The following ARHGAP26 variants were observed in gnomAD, a reference collection of about 807,000 sequenced individuals.
ARHGAP26 encodes rho GTPase-activating protein 26.
In ARHGAP26, 38 loss-of-function variants were observed where a neutral mutation model predicts 104.8. That is an observed-to-expected ratio of 0.36 (90% CI 0.28 to 0.48). ARHGAP26 has a LOEUF of 0.48. Ranked by LOEUF, ARHGAP26 falls within the 20% of genes least tolerant of loss-of-function variation. The pLI, the probability that ARHGAP26 is intolerant of heterozygous loss-of-function variation, is 0.99. For synonymous variants in ARHGAP26, 341 were observed against 340.0 expected, an observed-to-expected ratio of 1.00 and a Z score of -0.03; for missense variants, 704 against 947.9, an observed-to-expected ratio of 0.74 and a Z score of 3.38.
At chr5:143,204,861 A>G (rs1345217796) in intron 20 of ARHGAP26, among the ~76,000 whole-genome samples, 6 of 152,016 alleles carry the variant, frequency 3.9e-5, no homozygotes, top group Non-Finnish European at 8.8e-5. Context: ...ACCACTGACC[A>G]AAAGAACAGA....
chr5:142,947,342 C>T (rs761253485), intron 11 of ARHGAP26, among the ~76,000 whole-genome samples: 1 of 152,110 alleles, frequency 6.6e-6, no homozygotes, highest in African/African-American at 2.4e-5. Flanking sequence ...GTGCTGCTGC[C>T]TAGCATTGAA....
At chr5:143,174,590 C>T (rs1467693253) in intron 20 of ARHGAP26, among the ~76,000 whole-genome samples, 2 of 152,114 alleles carry the variant, frequency 1.3e-5, no homozygotes, top group African/African-American at 2.4e-5. Context: ...AATAGCCATT[C>T]CAAGCAATAG....
At chr5:143,194,711 A>T (rs764846481) in intron 20 of ARHGAP26, among the ~76,000 whole-genome samples, 1 of 152,216 alleles carries the variant, frequency 6.6e-6, no homozygotes, top group Non-Finnish European at 1.5e-5. Context: ...ATTTGTTTTT[A>T]TTCACAGATG....
intron 1 of ARHGAP26, chr5:142,771,157 G>GGGT: frequency 7.7e-7 from 1 of 1,292,602 alleles, no homozygotes; most frequent in Non-Finnish European, 9.8e-7. Flanking sequence ...GACCCAGCGC[G>GGGT]GGTGGTGCTC....
intron 19 of ARHGAP26, among the ~76,000 whole-genome samples, chr5:143,139,284 T>C (rs1276574906): frequency 6.6e-6 from 1 of 152,212 alleles, no homozygotes; most frequent in East Asian, 1.9e-4. Flanking sequence ...CAATTGATGA[T>C]AATCCTGTGA....
rs796147656 is a variant in ARHGAP26 at position 142,871,293 on chromosome 5, C to T, written c.155-2107C>T. Reference sequence around the variant, plus strand: ...CTGTGCAGAAGCCTCACAAAGGCCCCGTTGTGCATGACCAGCCACTCCCTG... The same window carrying T: ...CTGTGCAGAAGCCTCACAAAGGCCCTGTTGTGCATGACCAGCCACTCCCTG... On this transcript the variant is annotated intron_variant, in intron 1 of 22. Coordinates refer to ENST00000645722, the MANE Select transcript of ARHGAP26 (RefSeq NM_001135608.3). The surrounding 1 kb of genome is among the most constrained non-coding windows in gnomAD (Gnocchi z 4.1). Among the ~76,000 whole-genome samples, 17 of 152,288 alleles carry T rather than the reference C, an allele frequency of 1.1e-4. No homozygotes were observed. The highest frequency in any genetic ancestry group is 3.6e-4 in the African/African-American group (15 of 41,550).
intron 10 of ARHGAP26, among the ~76,000 whole-genome samples, chr5:142,922,448 T>C (rs775398505): frequency 6.6e-5 from 10 of 152,044 alleles, no homozygotes; most frequent in Non-Finnish European, 1.3e-4. Context: ...GTGTGTTTTC[T>C]GTAGAAAAAA....
intron 17 of ARHGAP26, among the ~76,000 whole-genome samples, chr5:143,114,228 C>T (rs7730451): frequency 0.029 from 4,490 of 152,250 alleles, 239 homozygotes; most frequent in African/African-American, 0.1. Context: ...GTACACAGAA[C>T]GATGTATCTG....
chr5:143,051,488 A>G (rs1211273450), intron 14 of ARHGAP26, among the ~76,000 whole-genome samples: 1 of 152,242 alleles, frequency 6.6e-6, no homozygotes, highest in African/African-American at 2.4e-5. Context: ...GTTCTAAAGA[A>G]GAGTGTAAAT....
At chr5:142,870,340 T>C (rs17099633) in intron 1 of ARHGAP26, among the ~76,000 whole-genome samples, 5,509 of 152,306 alleles carry the variant, frequency 0.036, 167 homozygotes, top group Admixed American at 0.083. Flanking sequence ...CTTACTGGAT[T>C]GAAATTGGCA....
At chr5:142,827,777 A>G (rs1767581163) in intron 1 of ARHGAP26, among the ~76,000 whole-genome samples, 1 of 152,238 alleles carries the variant, frequency 6.6e-6, no homozygotes, top group Non-Finnish European at 1.5e-5. Flanking sequence ...CCTACCTGTC[A>G]GGATTGTTGG....
intron 20 of ARHGAP26, chr5:143,170,459 G>A (rs997936429): frequency 4.6e-5 from 7 of 152,250 alleles, no homozygotes; most frequent in Middle Eastern, 6.8e-3. Context: ...CACATTGAGC[G>A]GCTGGAAAAT....
At chr5:142,905,341 C>T (rs1056105279) in intron 8 of ARHGAP26, among the ~76,000 whole-genome samples, 1 of 152,134 alleles carries the variant, frequency 6.6e-6, no homozygotes, top group African/African-American at 2.4e-5. Flanking sequence ...ATCATGAGGA[C>T]ACTTTTTTGT....
At chr5:142,940,033 T>C (rs971352075) in intron 11 of ARHGAP26, among the ~76,000 whole-genome samples, 1 of 152,244 alleles carries the variant, frequency 6.6e-6, no homozygotes, top group Non-Finnish European at 1.5e-5. Context: ...GTATGGAAAA[T>C]GTGATTTCGT....
intron 20 of ARHGAP26, among the ~76,000 whole-genome samples, chr5:143,206,573 C>T (rs1298315128): frequency 6.6e-6 from 1 of 152,194 alleles, no homozygotes; most frequent in African/African-American, 2.4e-5. Flanking sequence ...CAAGCCCAGG[C>T]AGCAAACCTC....
chr5:143,008,311 A>AG (rs1778269320), intron 11 of ARHGAP26, among the ~76,000 whole-genome samples: 1 of 152,242 alleles, frequency 6.6e-6, no homozygotes, highest in East Asian at 1.9e-4. Context: ...TTTGAACCTA[A>AG]GCAGTAGATT....
In ARHGAP26 at chr5:142,855,172, A is replaced by C. The variant is rs17099616; in HGVS notation, c.155-18228A>C. ...ACCGTTTTAGAACATAAATGCTCTC[A>C]GTGGTGGAGAAAGACTGGCAAAACA... On this transcript the variant is annotated intron_variant, in intron 1 of 22. Transcript: ENST00000645722. Among the ~76,000 whole-genome samples the C allele has an allele frequency of 1.0e-3, 154 of 152,314 alleles. 1 individual carries two copies. The highest frequency in any genetic ancestry group is 3.5e-3 in the African/African-American group (146 of 41,560).
At chr5:143,116,384 G>C (rs1562455489) in intron 17 of ARHGAP26, among the ~76,000 whole-genome samples, 1 of 152,156 alleles carries the variant, frequency 6.6e-6, no homozygotes, top group Non-Finnish European at 1.5e-5. Flanking sequence ...GTATCCAGTG[G>C]AGCCAGTACT....
chr5:143,180,613 G>A (rs767324130), intron 20 of ARHGAP26, among the ~76,000 whole-genome samples: 7 of 152,154 alleles, frequency 4.6e-5, no homozygotes, highest in Non-Finnish European at 1.0e-4. Flanking sequence ...ATGGCAGAAC[G>A]AGAAGAGACA....
Sources: allele counts gnomAD v4.1 joint callset (sites outside exome capture counted in the v4.1 genomes callset), GRCh38; gene constraint gnomAD v4.1.1; non-coding constraint Gnocchi (gnomAD v3.1); transcripts MANE v1.5; gene names NCBI Gene and HGNC (gene_info 2026-07-23, HGNC 2026-07-21).